The following DRAM1 variants were observed in gnomAD, a reference collection of about 807,000 sequenced individuals.
The protein encoded by DRAM1 is DNA damage-regulated autophagy modulator protein 1.
DRAM1 carries 25 observed loss-of-function variants against 28.5 expected under a neutral mutation model. The observed-to-expected ratio is 0.88, with a 90% CI of 0.64 to 1.23. The LOEUF (loss-of-function observed/expected upper bound fraction) is 1.23. DRAM1 is among the 50% of genes most tolerant of loss of function. DRAM1 has a pLI of 0.00. For missense variants in DRAM1, 249 were observed against 299.2 expected, an observed-to-expected ratio of 0.83 and a Z score of 1.24; for synonymous variants, 113 against 114.2, an observed-to-expected ratio of 0.99 and a Z score of 0.07.
At chr12:101,887,785 T>A (rs1872943280) in intron 1 of DRAM1, among the ~76,000 whole-genome samples, 1 of 152,098 alleles carries the variant, frequency 6.6e-6, no homozygotes, top group African/African-American at 2.4e-5. Flanking sequence ...GTGATCTGCC[T>A]GCCTTGGCCT....
chr12:101,891,276 G>A (rs1394634291), intron 1 of DRAM1, among the ~76,000 whole-genome samples: 1 of 152,094 alleles, frequency 6.6e-6, no homozygotes, highest in Non-Finnish European at 1.5e-5. Flanking sequence ...AGCAATTAGT[G>A]TATGAGTTTG....
At chr12:101,881,666 A>C (rs866725048) in intron 1 of DRAM1, among the ~76,000 whole-genome samples, 1 of 151,588 alleles carries the variant, frequency 6.6e-6, no homozygotes. Context: ...TTTTTCACTT[A>C]CCTCTTTTGT....
intron 1 of DRAM1, among the ~76,000 whole-genome samples, chr12:101,887,064 G>A (rs1210975600): frequency 6.7e-6 from 1 of 150,092 alleles, no homozygotes; most frequent in Non-Finnish European, 1.5e-5. Context: ...AGAGTCACTC[G>A]AACCTGGGAG....
intron 4 of DRAM1, among the ~76,000 whole-genome samples, chr12:101,908,818 T>C (rs1321484114): frequency 1.3e-5 from 2 of 148,756 alleles, no homozygotes; most frequent in Non-Finnish European, 3.0e-5. Flanking sequence ...TTCAGGGGCT[T>C]GACTAAAGTT....
chr12:101,889,327 C>T (rs1391846173), intron 1 of DRAM1, among the ~76,000 whole-genome samples: 1 of 152,074 alleles, frequency 6.6e-6, no homozygotes, highest in African/African-American at 2.4e-5. Context: ...GAGAAGAGTT[C>T]CTAAATTGTT....
chr12:101,889,516 A>AAGG (rs1555281430), intron 1 of DRAM1, among the ~76,000 whole-genome samples: 5 of 98,826 alleles, frequency 5.1e-5, no homozygotes, highest in African/African-American at 1.7e-4. Flanking sequence ...GGAAGGAAGG[A>AAGG]AAGGAAGGAA....
chr12:101,883,055 C>T (rs1315690795), intron 1 of DRAM1, among the ~76,000 whole-genome samples: 1 of 150,896 alleles, frequency 6.6e-6, no homozygotes, highest in East Asian at 2.1e-4. Flanking sequence ...TACGTCAATA[C>T]ACTTATATGG....
At chr12:101,903,028 C>T (rs1873662972) in intron 3 of DRAM1, among the ~76,000 whole-genome samples, 1 of 151,960 alleles carries the variant, frequency 6.6e-6, no homozygotes, top group Admixed American at 6.6e-5. Context: ...AAGTGATTCT[C>T]ATGCCTCAGC....
In DRAM1 at chr12:101,920,119, A is replaced by G; in HGVS notation, c.590A>G (p.Tyr197Cys). 2 of 1,605,106 alleles carry G rather than the reference A, an allele frequency of 1.2e-6. No homozygotes were observed. The highest frequency in any genetic ancestry group is 1.1e-5 in the South Asian group (1 of 88,438). The change falls in exon 6 of 7, where the codon TAT becomes TGT. Residue 197 changes from tyrosine to cysteine, a missense_variant. By Grantham distance (194) the Tyr-to-Cys change is radical (BLOSUM62 -2). Around this residue, in one of 3 missense-constraint regions of DRAM1, gnomAD observed 15 missense variants for 39.9 expected, o/e 0.38. Transcript: ENST00000258534. ...EWNPREKDYVYHVVSAICEWT... is the reference protein window; with the variant it reads ...EWNPREKDYVCHVVSAICEWT... ...TTATTATTGCATTAGGATTATGTATATCACGTAGTGAGTGCGATCTGTGAA... is the reference window on the plus strand; with the variant it reads ...TTATTATTGCATTAGGATTATGTATGTCACGTAGTGAGTGCGATCTGTGAA...
At chr12:101,916,338 T>C (rs7978801) in intron 5 of DRAM1, among the ~76,000 whole-genome samples, 46,792 of 152,016 alleles carry the variant, frequency 0.31, 8,480 homozygotes, top group African/African-American at 0.51. Flanking sequence ...CACAGTAAGA[T>C]CCTGCCTCTA....
intron 1 of DRAM1, among the ~76,000 whole-genome samples, chr12:101,889,657 G>C (rs1439656179): frequency 6.6e-6 from 1 of 152,166 alleles, no homozygotes; most frequent in Non-Finnish European, 1.5e-5. Context: ...TGGCAATAGT[G>C]AGCAGGACGT....
At chr12:101,883,087 T>C (rs945370666) in intron 1 of DRAM1, among the ~76,000 whole-genome samples, 3 of 151,042 alleles carry the variant, frequency 2.0e-5, no homozygotes, top group Non-Finnish European at 2.9e-5. Flanking sequence ...AGATACATTG[T>C]TACATGGGAA....
intron 1 of DRAM1, among the ~76,000 whole-genome samples, chr12:101,887,165 G>A (rs113853695): frequency 4.6e-4 from 63 of 137,528 alleles, no homozygotes; most frequent in African/African-American, 1.6e-3. Context: ...AAAAAAATTG[G>A]TTAAATGCTT....
Position 101,877,620 on chromosome 12 carries a change from C to T in DRAM1, c.-170C>T. 2.7e-6 allele frequency: 1 copy of T among 373,590 alleles called. No individual in the cohort carries two copies. The highest frequency in any genetic ancestry group is 4.4e-6 in the Non-Finnish European group (1 of 225,360). The allele number at this position is 373,590 out of a possible 1,614,324, so 23.1% of individuals were successfully genotyped here. A position where few individuals can be genotyped will look rare whatever the true frequency, so the allele number is the denominator to read the frequency against. ...CCTCGCCGCCCGCAGCCTCGCTCCG[C>T]TCCTCGCGCTTCCCCTCCCTCCGGG... On this transcript the variant is annotated 5_prime_UTR_variant, in exon 1 of 7. Transcript: ENST00000258534. This position sits in a 1 kb window ranked among gnomAD's most constrained non-coding sequence, Gnocchi z 4.1.
At chr12:101,896,229 G>A (rs963198987) in intron 1 of DRAM1, among the ~76,000 whole-genome samples, 2 of 152,250 alleles carry the variant, frequency 1.3e-5, no homozygotes, top group South Asian at 2.1e-4. Context: ...CTAAGTGTTC[G>A]CAAAACTTAA....
At chr12:101,882,840 T>C (rs1872738394) in intron 1 of DRAM1, among the ~76,000 whole-genome samples, 1 of 148,914 alleles carries the variant, frequency 6.7e-6, no homozygotes, top group African/African-American at 2.4e-5. Context: ...ACAGCCTTTT[T>C]TTTTTTTTTT....
chr12:101,909,897 T>C (rs1487139521), intron 4 of DRAM1, among the ~76,000 whole-genome samples: 5 of 152,178 alleles, frequency 3.3e-5, no homozygotes, highest in Non-Finnish European at 7.3e-5. Flanking sequence ...AGCTTCAGGG[T>C]CATTAAACAT....
intron 5 of DRAM1, among the ~76,000 whole-genome samples, chr12:101,915,148 T>C (rs1417996322): frequency 6.6e-6 from 1 of 151,812 alleles, no homozygotes; most frequent in Non-Finnish European, 1.5e-5. Context: ...CCCGGCTACT[T>C]TTTTGTATTT....
At chr12:101,910,723 C>T (rs1189256249) in intron 4 of DRAM1, among the ~76,000 whole-genome samples, 1 of 151,850 alleles carries the variant, frequency 6.6e-6, no homozygotes, top group African/African-American at 2.4e-5. Flanking sequence ...AGGTGATCCA[C>T]CCGCCTCAGC....
Sources: allele counts gnomAD v4.1 joint callset (sites outside exome capture counted in the v4.1 genomes callset), GRCh38; gene constraint gnomAD v4.1.1; regional missense constraint gnomAD v4.1.1; non-coding constraint Gnocchi (gnomAD v3.1); transcripts MANE v1.5; gene names NCBI Gene and HGNC (gene_info 2026-07-23, HGNC 2026-07-21).